ERICH1: variants seen among roughly 807,000 people sequenced by gnomAD.
The protein encoded by ERICH1 is glutamate rich 1.
Under a neutral mutation model 39.6 loss-of-function variants are expected in ERICH1, and 56 were observed. That is an observed-to-expected ratio of 1.41 (90% confidence interval 1.14 to 1.77). ERICH1 has a LOEUF of 1.77. Ranked by LOEUF, ERICH1 falls within the 40% of genes most tolerant of loss-of-function variation. The probability of loss-of-function intolerance (pLI) is 0.00; values close to 1 mark genes in which losing one functional copy is unlikely to be tolerated. For missense variants in ERICH1, 826 were observed against 575.4 expected, an observed-to-expected ratio of 1.44 and a Z score of -4.45; for synonymous variants, 313 against 223.6, an observed-to-expected ratio of 1.40 and a Z score of -3.57.
At chr8:638,248 T>G (rs1242136844) in intron 3 of ERICH1, among the ~76,000 whole-genome samples, 1 of 152,232 alleles carries the variant, frequency 6.6e-6, no homozygotes, top group Non-Finnish European at 1.5e-5. Flanking sequence ...CCTCCCAGTG[T>G]CCTAAGACCT....
intron 3 of ERICH1, among the ~76,000 whole-genome samples, chr8:628,761 G>A (rs182986765): frequency 3.5e-3 from 537 of 152,338 alleles, no homozygotes; most frequent in Non-Finnish European, 5.8e-3. Context: ...TGAAGCTGCA[G>A]CCCTGGGGTG....
intron 3 of ERICH1, among the ~76,000 whole-genome samples, chr8:681,388 T>G (rs1431552909): frequency 2.0e-5 from 3 of 152,276 alleles, no homozygotes; most frequent in African/African-American, 7.2e-5. Context: ...GCATTTGTGG[T>G]GAGACATACC....
At chr8:700,794 CAG>C (rs1219232140) in intron 2 of ERICH1, among the ~76,000 whole-genome samples, 2 of 152,244 alleles carry the variant, frequency 1.3e-5, no homozygotes, top group Non-Finnish European at 2.9e-5. Flanking sequence ...ATCAGCTATT[CAG>C]AGTCTTGGGA....
rs2117285756 is a variant in ERICH1, at chr8:648,359, T to C, written c.976+20239A>G. 3.0e-5 allele frequency among the ~76,000 whole-genome samples: 2 copies of C among 66,192 alleles called. 1 individual carries two copies. The highest frequency in any genetic ancestry group is 7.7e-5 in the African/African-American group (2 of 26,118). The allele number at this position is 66,192 out of a possible 152,430, so 43.4% of individuals were successfully genotyped here. ...AATGGAAACGACTCAAATCCACACA[T>C]CAGGCCCACGGCAAGGATGCTGACT... On this transcript the variant is annotated intron_variant, in intron 3 of 3. Transcript: ENST00000522706.
chr8:672,486 C>G (rs1347642743), intron 4 of ERICH1, among the ~76,000 whole-genome samples: 4 of 152,190 alleles, frequency 2.6e-5, no homozygotes, highest in Non-Finnish European at 5.9e-5. Context: ...CTCATAAGAA[C>G]ACCATCAAAT....
intron 2 of ERICH1, among the ~76,000 whole-genome samples, chr8:699,227 A>G (rs1486788243): frequency 2.0e-5 from 3 of 152,150 alleles, no homozygotes; most frequent in Non-Finnish European, 4.4e-5. Flanking sequence ...GCTGGTTATC[A>G]TCAGGAACGA....
Position 646,364 on chromosome 8 carries a change from A to C in ERICH1, c.976+22234T>G, listed in dbSNP as rs370944420. 1.6e-4 allele frequency among the ~76,000 whole-genome samples: 11 copies of C among 67,374 alleles called. 3 individuals are homozygous for C. The highest frequency in any genetic ancestry group is 1.2e-3 in the East Asian group (4 of 3,322). 44.2% of individuals were successfully genotyped at this position (67,374 alleles called of 152,430 possible). A position where few individuals can be genotyped will look rare whatever the true frequency, so the allele number is the denominator to read the frequency against. Reference sequence around the variant, plus strand: ...ATGTATTCAGGGTGATTCTCCATAGATTAAAAAAAAAAAGATCCTATCAAG... The same window carrying C: ...ATGTATTCAGGGTGATTCTCCATAGCTTAAAAAAAAAAAGATCCTATCAAG... On this transcript the variant is annotated intron_variant, in intron 3 of 3. Transcript: ENST00000522706.
chr8:638,744 G>A (rs565579718), intron 3 of ERICH1, among the ~76,000 whole-genome samples: 6 of 152,128 alleles, frequency 3.9e-5, no homozygotes, highest in Admixed American at 2.0e-4. Flanking sequence ...CCTGAACGTG[G>A]TTATCCCTGA....
intron 1 of ERICH1, among the ~76,000 whole-genome samples, chr8:727,160 T>C (rs1278450918): frequency 6.6e-6 from 1 of 152,040 alleles, no homozygotes; most frequent in Non-Finnish European, 1.5e-5. Flanking sequence ...CAGACATGCA[T>C]GCACACATAC....
At chr8:688,765 C>G (rs1448576739) in intron 3 of ERICH1, among the ~76,000 whole-genome samples, 2 of 152,152 alleles carry the variant, frequency 1.3e-5, no homozygotes, top group African/African-American at 2.4e-5. Context: ...CAATGAAAAG[C>G]TGAAATCTGA....
chr8:729,183 C>A (rs1819461516), intron 1 of ERICH1, among the ~76,000 whole-genome samples: 1 of 152,220 alleles, frequency 6.6e-6, no homozygotes, highest in African/African-American at 2.4e-5. Context: ...AGATGCTCCG[C>A]CAACATCCGG....
At chr8:671,682 C>A (rs1047332106) in intron 4 of ERICH1, 1 of 160,860 alleles carries the variant, frequency 6.2e-6, no homozygotes, top group Non-Finnish European at 1.3e-5. Context: ...AATGTCTGTG[C>A]TCACTGGGCT....
At chr8:700,296 GACACGCGCACAGACCCGC>G (rs1811681788) in intron 2 of ERICH1, among the ~76,000 whole-genome samples, 1 of 18,062 alleles carries the variant, frequency 5.5e-5, no homozygotes, top group African/African-American at 2.4e-4. Context: ...CACAGGCCCG[GACACGCGCACAGACCCGC>G]ACACGCGCAC....
chr8:731,185 G>C lies in ERICH1; in HGVS notation c.-24C>G. On this transcript the variant is annotated 5_prime_UTR_variant, in exon 1 of 6. Coordinates refer to ENST00000262109, the MANE Select transcript of ERICH1 (RefSeq NM_207332.3). ...ATGCGGGACCCTGCCGCGGACCTCA[G>C]ACCACGGCGCGCGGTCCTGAGCTGA... The C allele has an allele frequency of 1.3e-6, 2 of 1,497,462 alleles. No homozygotes were observed. The highest frequency in any genetic ancestry group is 1.8e-6 in the Non-Finnish European group (2 of 1,125,852). The allele number at this position is 1,497,462 out of a possible 1,614,324, so 92.8% of individuals were successfully genotyped here. A position where few individuals can be genotyped will look rare whatever the true frequency, so the allele number is the denominator to read the frequency against.
chr8:688,496 C>T (rs1476111391), intron 3 of ERICH1, among the ~76,000 whole-genome samples: 2 of 151,818 alleles, frequency 1.3e-5, no homozygotes, highest in East Asian at 3.9e-4. Context: ...GCTCCTACAA[C>T]GCCACGGCCC....
intron 3 of ERICH1, chr8:686,685 T>C (rs761052803): frequency 6.6e-5 from 10 of 152,240 alleles, no homozygotes; most frequent in Non-Finnish European, 1.2e-4. Flanking sequence ...CCAGGATGCA[T>C]GAGACCTCCA....
In ERICH1 at chr8:668,797, A is replaced by G. The variant is rs764492648; in HGVS notation, c.1064-5T>C. 1.5e-5 allele frequency: 24 copies of G among 1,582,814 alleles called. No individual in the cohort carries two copies. Among genetic ancestry groups the G allele is most frequent in the East Asian group, 4.5e-5 (2 of 44,548 alleles). Reference sequence around the variant, plus strand: ...AAGCTGCATCTCTGGAGACACCTACATAAAGTCAGTTTTGCTTGGAAATAC... The same window carrying G: ...AAGCTGCATCTCTGGAGACACCTACGTAAAGTCAGTTTTGCTTGGAAATAC... On this transcript the variant is annotated splice_polypyrimidine_tract_variant and splice_region_variant and intron_variant, in intron 4 of 5. Transcript: ENST00000262109.
intron 3 of ERICH1, among the ~76,000 whole-genome samples, chr8:682,091 C>A (rs1806267018): frequency 7.8e-6 from 1 of 128,810 alleles, no homozygotes; most frequent in South Asian, 2.7e-4. Flanking sequence ...AGGTCTTGAG[C>A]CCAGTCTCTC....
chr8:699,786 C>T (rs188165261), intron 2 of ERICH1, among the ~76,000 whole-genome samples: 1 of 68,966 alleles, frequency 1.4e-5, no homozygotes, highest in African/African-American at 3.9e-5. Flanking sequence ...CCCGCACACG[C>T]GCACAGACCC....
Sources: allele counts gnomAD v4.1 joint callset (sites outside exome capture counted in the v4.1 genomes callset), GRCh38; gene constraint gnomAD v4.1.1; transcripts MANE v1.5; gene names NCBI Gene and HGNC (gene_info 2026-07-23, HGNC 2026-07-21).